Variants in RYR3 observed in about 807,000 individuals in gnomAD.
RYR3 encodes the protein ryanodine receptor 3, also known as brain ryanodine receptor-calcium release channel.
In RYR3, 207 loss-of-function variants were observed where a neutral mutation model predicts 584.3. The ratio of observed to expected loss-of-function variants is 0.35; its 90% CI spans 0.32 to 0.40. RYR3 has a LOEUF of 0.40. Ranked by LOEUF, RYR3 falls within the 10% of genes least tolerant of loss-of-function variation. The pLI is 1.00. For missense variants in RYR3, 5,616 were observed against 6,089.2 expected (o/e 0.92, Z 2.59); for synonymous variants, 2,416 against 2,248.5 (o/e 1.07, Z -2.11).
intron 1 of RYR3, among the ~76,000 whole-genome samples, chr15:33,346,569 T>A (rs1386066525): frequency 6.6e-6 from 1 of 152,232 alleles, no homozygotes; most frequent in Non-Finnish European, 1.5e-5. Flanking sequence ...AATATTGATA[T>A]CCAAATGTAA....
At position 33,584,456 on chromosome 15, in the gene RYR3, C is replaced by A; in HGVS notation, c.1635C>A (p.Leu545=). The A allele has an allele frequency of 6.2e-7, 1 of 1,601,246 alleles. No individual in the cohort carries two copies. The highest frequency in any genetic ancestry group is 8.6e-7 in the Non-Finnish European group (1 of 1,169,336). Residue 545 remains leucine, a synonymous_variant, in exon 15 of 104, where the codon CTC becomes CTA. Coordinates refer to ENST00000634891, the MANE Select transcript of RYR3 (RefSeq NM_001036.6). The stretch of plus-strand genomic sequence containing the variant: ...AATTCTCCAATAACCTTGATTGGCT[C>A]ATCAGTAAATTGGACAGACTAGAAT... ...CAQFSNNLDW[L]ISKLDRLESS... is the part of the protein sequence containing the mutation.
intron 64 of RYR3, 53 bp downstream of exon 64, chr15:33,773,668 A>G (rs1009977456): frequency 3.6e-6 from 4 of 1,105,684 alleles, no homozygotes; most frequent in Non-Finnish European, 5.4e-6. Context: ...AATGTTACTT[A>G]CAGCCTTTTA....
intron 1 of RYR3, among the ~76,000 whole-genome samples, chr15:33,391,837 C>A (rs1346910589): frequency 6.6e-6 from 1 of 152,000 alleles, no homozygotes; most frequent in African/African-American, 2.4e-5. Flanking sequence ...ATGCTTCAGC[C>A]ATGCTTTTCT....
chr15:33,604,662 C>G (rs180935853), intron 18 of RYR3, among the ~76,000 whole-genome samples: 2 of 152,248 alleles, frequency 1.3e-5, no homozygotes, highest in South Asian at 2.1e-4. Flanking sequence ...AAGGGAAAGT[C>G]TTATCTTGTG....
At chr15:33,349,797 A>G (rs1436294616) in intron 1 of RYR3, among the ~76,000 whole-genome samples, 1 of 129,466 alleles carries the variant, frequency 7.7e-6, no homozygotes, top group Non-Finnish European at 1.6e-5. Context: ...TCCTGTGTCC[A>G]TGTGTTCTCA....
chr15:33,634,758 T>C, intron 25 of RYR3, 25 bp downstream of exon 25: 1 of 1,608,746 alleles, frequency 6.2e-7, no homozygotes, highest in Non-Finnish European at 8.5e-7. Flanking sequence ...GTGTTTATTC[T>C]GGCCCCAGTT....
At chr15:33,571,377 C>T (rs901507577) in intron 12 of RYR3, among the ~76,000 whole-genome samples, 7 of 152,134 alleles carry the variant, frequency 4.6e-5, no homozygotes, top group Non-Finnish European at 1.0e-4. Flanking sequence ...TGGTTTATTA[C>T]ATTAACTGGT....
At chr15:33,862,599 TAAGTCA>T (rs1888715662) in intron 102 of RYR3, among the ~76,000 whole-genome samples, 1 of 152,134 alleles carries the variant, frequency 6.6e-6, no homozygotes, top group Admixed American at 6.5e-5. Flanking sequence ...GGGATGAGTT[TAAGTCA>T]AAAACATGAG....
intron 1 of RYR3, among the ~76,000 whole-genome samples, chr15:33,312,118 C>A (rs1304574512): frequency 6.6e-6 from 1 of 152,210 alleles, no homozygotes; most frequent in Non-Finnish European, 1.5e-5. Context: ...GTTTTGTAAA[C>A]GGCAAATCGC....
intron 74 of RYR3, 58 bp from the exon 75 acceptor site, chr15:33,816,804 A>G: frequency 3.4e-6 from 4 of 1,181,564 alleles, no homozygotes; most frequent in Non-Finnish European, 4.9e-6. Context: ...AACTGCCCAA[A>G]CTAAAAGAAC....
intron 85 of RYR3, 69 bp from the exon 86 acceptor site, chr15:33,830,894 C>T (rs535586155): frequency 4.5e-6 from 7 of 1,540,690 alleles, no homozygotes; most frequent in African/African-American, 1.4e-5. Flanking sequence ...ATGTACCCTT[C>T]CCAAACACCG....
intron 1 of RYR3, chr15:33,465,907 C>T (rs752063292): frequency 1.1e-5 from 5 of 440,988 alleles, no homozygotes; most frequent in Non-Finnish European, 2.3e-5. Context: ...ATCTCTCCGT[C>T]TCTTCCCTCC....
At chr15:33,347,947 A>AT (rs139105934) in intron 1 of RYR3, among the ~76,000 whole-genome samples, 10,092 of 146,340 alleles carry the variant, frequency 0.069, 504 homozygotes, top group African/African-American at 0.15. Flanking sequence ...TGCTACTGGC[A>AT]TTTTTTTTTT....
intron 19 of RYR3, among the ~76,000 whole-genome samples, chr15:33,615,906 C>T (rs1203705509): frequency 6.6e-6 from 1 of 152,152 alleles, no homozygotes; most frequent in African/African-American, 2.4e-5. Context: ...CCACTCCACT[C>T]CTTAGGAATA....
At chr15:33,386,349 C>T (rs2596208) in intron 1 of RYR3, among the ~76,000 whole-genome samples, 115,886 of 152,140 alleles carry the variant, frequency 0.76, 44,262 homozygotes, top group Non-Finnish European at 0.79. Context: ...TCACTGAGCC[C>T]ATATCTTGGA....
At chr15:33,757,346 A>G in intron 59 of RYR3, 129 bp from the exon 60 acceptor site, 1 of 1,010,568 alleles carries the variant, frequency 9.9e-7, no homozygotes, top group Non-Finnish European at 1.5e-6. Context: ...CCAAAGGGGT[A>G]GAATTTCCTG....
chr15:33,823,692 A>G (rs1199794695), intron 81 of RYR3, among the ~76,000 whole-genome samples: 4 of 152,194 alleles, frequency 2.6e-5, no homozygotes, highest in Non-Finnish European at 5.9e-5. Flanking sequence ...TGACACATAA[A>G]TAATATATAA....
chr15:33,450,225 A>C (rs28570427), intron 1 of RYR3, among the ~76,000 whole-genome samples: 3,140 of 152,074 alleles, frequency 0.021, 52 homozygotes, highest in Non-Finnish European at 0.026. Flanking sequence ...ATGTCTGACC[A>C]AGAATCTGAG....
chr15:33,767,063 GA>G (rs571881623), intron 60 of RYR3, among the ~76,000 whole-genome samples: 1 of 152,222 alleles, frequency 6.6e-6, no homozygotes, highest in Admixed American at 6.5e-5. Flanking sequence ...GCCTTTGTTA[GA>G]AAAACATTGT....
Sources: gnomAD v4.1 joint callset for allele counts (sites outside exome capture counted in the v4.1 genomes callset) on GRCh38, gnomAD v4.1.1 for gene constraint, MANE v1.5 for transcripts, NCBI Gene and HGNC (gene_info 2026-07-23, HGNC 2026-07-21) for gene names.